LRRC4C: variants seen among roughly 807,000 people sequenced by gnomAD.
LRRC4C encodes the protein leucine-rich repeat-containing protein 4C.
LRRC4C carries 5 observed loss-of-function variants against 33.6 expected under a neutral mutation model. The ratio of observed to expected loss-of-function variants is 0.15; its 90% CI spans 0.08 to 0.31. The LOEUF (loss-of-function observed/expected upper bound fraction) is 0.31. Ranked by LOEUF, LRRC4C falls within the 10% of genes least tolerant of loss-of-function variation. The pLI is 1.00. For missense variants in LRRC4C, 560 were observed against 796.7 expected (o/e 0.70, Z 3.58); for synonymous variants, 329 against 302.0 (o/e 1.09, Z -0.93).
intron 1 of LRRC4C, among the ~76,000 whole-genome samples, chr11:41,226,812 C>T (rs1258123270): frequency 1.3e-5 from 2 of 151,096 alleles, no homozygotes; most frequent in Non-Finnish European, 3.0e-5. Flanking sequence ...ACCTATTTCC[C>T]TCCACAATCA....
intron 1 of LRRC4C, among the ~76,000 whole-genome samples, chr11:41,250,948 T>A (rs756005830): frequency 6.6e-6 from 1 of 152,240 alleles, no homozygotes. Context: ...CAGCATTTTC[T>A]ATATTATCTC....
chr11:40,947,853 A>C (rs1392718574), intron 1 of LRRC4C, among the ~76,000 whole-genome samples: 1 of 152,048 alleles, frequency 6.6e-6, no homozygotes, highest in Non-Finnish European at 1.5e-5. Context: ...AAACTCTCTC[A>C]ATAAGCTGGG....
chr11:40,916,496 A>G (rs1054438699), intron 2 of LRRC4C, among the ~76,000 whole-genome samples: 1 of 152,082 alleles, frequency 6.6e-6, no homozygotes, highest in Non-Finnish European at 1.5e-5. Context: ...GAATTGAACA[A>G]TGAGAACACA....
At chr11:41,306,065 ACT>A (rs1392226717) in intron 1 of LRRC4C, among the ~76,000 whole-genome samples, 1 of 150,018 alleles carries the variant, frequency 6.7e-6, no homozygotes, top group Non-Finnish European at 1.5e-5. Flanking sequence ...GCATTAAATT[ACT>A]GTTTGTTTTG....
intron 3 of LRRC4C, among the ~76,000 whole-genome samples, chr11:40,540,968 T>A (rs1205936647): frequency 6.6e-6 from 1 of 152,120 alleles, no homozygotes; most frequent in Non-Finnish European, 1.5e-5. Flanking sequence ...GCAACATTGC[T>A]CCTGATATTT....
chr11:41,068,645 A>G (rs1389115933), intron 1 of LRRC4C, among the ~76,000 whole-genome samples: 2 of 152,164 alleles, frequency 1.3e-5, no homozygotes, highest in Admixed American at 6.6e-5. Flanking sequence ...CTAGACACAT[A>G]CACCCTCGCA....
At chr11:40,565,747 C>T (rs757105975) in intron 3 of LRRC4C, among the ~76,000 whole-genome samples, 1 of 151,922 alleles carries the variant, frequency 6.6e-6, no homozygotes, top group Non-Finnish European at 1.5e-5. Context: ...CTTGGATTTC[C>T]CAAACAGGTA....
chr11:40,568,323 C>A (rs1307641330), intron 3 of LRRC4C, among the ~76,000 whole-genome samples: 1 of 152,144 alleles, frequency 6.6e-6, no homozygotes, highest in East Asian at 1.9e-4. Flanking sequence ...CGTTATTGAG[C>A]TGGGAAGTGA....
intron 1 of LRRC4C, among the ~76,000 whole-genome samples, chr11:41,278,832 C>T (rs199745347): frequency 2.3e-5 from 3 of 132,670 alleles, no homozygotes; most frequent in African/African-American, 5.4e-5. Context: ...GTGTTTTTTT[C>T]CCCCAACTTT....
chr11:40,832,151 A>G (rs977057198), intron 2 of LRRC4C, among the ~76,000 whole-genome samples: 2 of 152,130 alleles, frequency 1.3e-5, no homozygotes, highest in Non-Finnish European at 1.5e-5. Context: ...AAACCTGAGC[A>G]GCAGGTTACT....
At chr11:40,995,099 G>C (rs1853874427) in intron 1 of LRRC4C, among the ~76,000 whole-genome samples, 1 of 152,086 alleles carries the variant, frequency 6.6e-6, no homozygotes, top group African/African-American at 2.4e-5. Flanking sequence ...CTTAATGTGT[G>C]TTTTTGAGAA....
intron 3 of LRRC4C, 137 bp from the exon 4 acceptor site, chr11:40,319,858 CAT>C (rs773730679): frequency 5.3e-5 from 8 of 152,218 alleles, no homozygotes; most frequent in East Asian, 1.9e-4. Flanking sequence ...GTCTTTCATA[CAT>C]GTGTGTGTTA....
intron 1 of LRRC4C, among the ~76,000 whole-genome samples, chr11:41,247,994 C>T (rs970517035): frequency 6.6e-6 from 1 of 152,048 alleles, no homozygotes; most frequent in South Asian, 2.1e-4. Context: ...AGGCAGGGAG[C>T]TAGAATACAC....
In LRRC4C at chr11:40,284,888, G is replaced by T. The variant is rs193243464; in HGVS notation, c.-176+34740C>A. ...CAGTTATAGATGGAGTATTAAGTTTGCAAGGCTTGTAGGAGACTCAGGTAA... is the reference window on the plus strand; with the variant it reads ...CAGTTATAGATGGAGTATTAAGTTTTCAAGGCTTGTAGGAGACTCAGGTAA... On this transcript the variant is annotated intron_variant, in intron 4 of 6. Coordinates refer to ENST00000528697, the MANE Select transcript of LRRC4C (RefSeq NM_001258419.2). Among the ~76,000 whole-genome samples the T allele has an allele frequency of 3.3e-5, 5 of 152,162 alleles. No homozygotes were observed. The East Asian group carries it at 9.7e-4, about 30-fold the overall frequency.
At chr11:40,258,078 T>G (rs1483972737) in intron 4 of LRRC4C, among the ~76,000 whole-genome samples, 2 of 152,176 alleles carry the variant, frequency 1.3e-5, no homozygotes, top group Admixed American at 1.3e-4. Flanking sequence ...TGTGCCTATC[T>G]TTTAAAACAA....
At chr11:41,154,047 G>T (rs10837587) in intron 1 of LRRC4C, among the ~76,000 whole-genome samples, 88 of 152,178 alleles carry the variant, frequency 5.8e-4, no homozygotes, top group African/African-American at 1.9e-3. Context: ...AGCTTGAAAC[G>T]GTGTAGCCCT....
chr11:40,584,951 G>GAA (rs558879496), intron 3 of LRRC4C, among the ~76,000 whole-genome samples: 2,212 of 103,522 alleles, frequency 0.021, 69 homozygotes, highest in African/African-American at 0.071. Flanking sequence ...TTAAAAAAAA[G>GAA]AAAAAAAAAA....
Position 40,116,174 on chromosome 11 carries a change from C to G in LRRC4C, c.119G>C (p.Gly40Ala). 6.2e-7 allele frequency: 1 copy of G among 1,613,868 alleles called. No individual in the cohort carries two copies. The highest frequency in any genetic ancestry group is 8.5e-7 in the Non-Finnish European group (1 of 1,179,940). Residue 40 changes from glycine (G) to alanine (A), a missense_variant, in exon 7 of 7, where the codon GGT becomes GCT. This residue lies in a region of LRRC4C where 455 missense variants were observed against 643.8 expected (regional missense o/e 0.71). Transcript: ENST00000528697. The part of the protein sequence containing the change: ...LLALQLLVVA[G>A]LVRAQTCPSV... ...AGGGCAGGTCTGAGCCCGCACCAGA[C>G]CAGCCACCACAAGAAGTTGAAGAGC...
chr11:41,024,154 T>C (rs1856180460), intron 1 of LRRC4C, among the ~76,000 whole-genome samples: 2 of 151,604 alleles, frequency 1.3e-5, no homozygotes, highest in Admixed American at 6.6e-5. Context: ...GTGTAGATAC[T>C]AGATATAGAT....
Sources: gnomAD v4.1 joint callset for allele counts (sites outside exome capture counted in the v4.1 genomes callset) on GRCh38, gnomAD v4.1.1 for gene constraint, gnomAD v4.1.1 regional missense constraint, MANE v1.5 for transcripts, NCBI Gene and HGNC (gene_info 2026-07-23, HGNC 2026-07-21) for gene names.